The following LNX1 variants were observed in gnomAD, a reference collection of about 807,000 sequenced individuals.
LNX1 encodes ligand of numb-protein X 1.
A neutral mutation model predicts 68.4 loss-of-function variants in LNX1; 54 were observed. The ratio of observed to expected loss-of-function variants is 0.79; its 90% confidence interval spans 0.63 to 0.99. LNX1 has a LOEUF of 0.99. Ranked by LOEUF, LNX1 falls within the 50% of genes least tolerant of loss-of-function variation. LNX1 has a pLI of 0.00. For synonymous variants in LNX1, 336 were observed against 350.0 expected, an observed-to-expected ratio of 0.96 and a Z score of 0.45; for missense variants, 906 against 926.4, an observed-to-expected ratio of 0.98 and a Z score of 0.29.
upstream of LNX1, among the ~76,000 whole-genome samples, chr4:53,595,476 A>G (rs554994059): frequency 8.5e-5 from 13 of 152,230 alleles, no homozygotes; most frequent in Non-Finnish European, 1.9e-4. Flanking sequence ...ATGCATGACA[A>G]TGGTTTTCAG....
chr4:53,607,273 C>A (rs1235104920), intron 2 of LNX1, among the ~76,000 whole-genome samples: 2 of 152,144 alleles, frequency 1.3e-5, no homozygotes, highest in Admixed American at 6.5e-5. Flanking sequence ...TTTCAGGGTA[C>A]AAAATCAATG....
intron 9 of LNX1, among the ~76,000 whole-genome samples, chr4:53,472,796 G>A (rs1463993659): frequency 1.3e-5 from 2 of 151,872 alleles, no homozygotes; most frequent in Admixed American, 6.6e-5. Flanking sequence ...GGCCAAGCAG[G>A]GGGAAGGCTG....
intron 2 of LNX1, among the ~76,000 whole-genome samples, chr4:53,515,547 T>G (rs567881404): frequency 5.3e-5 from 8 of 152,058 alleles, no homozygotes; most frequent in Admixed American, 1.3e-4. Context: ...GAAGACCGAC[T>G]TAAGAAACTG....
At chr4:53,589,910 A>G (rs769969759) in intron 1 of LNX1, among the ~76,000 whole-genome samples, 4 of 152,216 alleles carry the variant, frequency 2.6e-5, no homozygotes, top group African/African-American at 4.8e-5. Context: ...ACATACAGTG[A>G]TGAAATTATT....
intron 2 of LNX1, among the ~76,000 whole-genome samples, chr4:53,527,131 A>G (rs1027540757): frequency 6.6e-6 from 1 of 151,884 alleles, no homozygotes; most frequent in Non-Finnish European, 1.5e-5. Context: ...CAACTGAAAT[A>G]TACTATTGGG....
chr4:53,523,432 G>A (rs1278672490), intron 2 of LNX1, among the ~76,000 whole-genome samples: 2 of 152,076 alleles, frequency 1.3e-5, no homozygotes, highest in Admixed American at 6.6e-5. Context: ...GACTACAGGC[G>A]TGCACCACCA....
chr4:53,557,109 G>A (rs1729962530), intron 2 of LNX1, among the ~76,000 whole-genome samples: 1 of 152,188 alleles, frequency 6.6e-6, no homozygotes, highest in South Asian at 2.1e-4. Flanking sequence ...ACTAACAAAA[G>A]GAGCTGGAAA....
intron 2 of LNX1, among the ~76,000 whole-genome samples, chr4:53,597,856 C>T (rs1732821986): frequency 1.3e-5 from 2 of 152,138 alleles, no homozygotes; most frequent in Admixed American, 1.3e-4. Context: ...TTGAATACTC[C>T]CCAAACCTGA....
At chr4:53,570,773 A>T (rs1396110338) in intron 2 of LNX1, among the ~76,000 whole-genome samples, 1 of 151,510 alleles carries the variant, frequency 6.6e-6, no homozygotes, top group East Asian at 1.9e-4. Flanking sequence ...CACGCCTGTA[A>T]TCCCAGCACT....
intron 4 of LNX1, among the ~76,000 whole-genome samples, chr4:53,501,298 T>TTTTG (rs1725463441): frequency 3.2e-4 from 3 of 9,500 alleles, no homozygotes; most frequent in Non-Finnish European, 9.4e-4. Context: ...TTTTTTTTTT[T>TTTTG]TGGGGGTGGG....
At chr4:53,468,501 T>G (rs1303146436) in intron 9 of LNX1, among the ~76,000 whole-genome samples, 1 of 152,174 alleles carries the variant, frequency 6.6e-6, no homozygotes, top group South Asian at 2.1e-4. Context: ...AATATTCACC[T>G]TAAATGTAAA....
intron 2 of LNX1, among the ~76,000 whole-genome samples, chr4:53,552,123 C>G (rs1445638590): frequency 6.6e-6 from 1 of 152,168 alleles, no homozygotes; most frequent in South Asian, 2.1e-4. Context: ...CTGGAAAGAG[C>G]GCATCATTTC....
intron 1 of LNX1, among the ~76,000 whole-genome samples, chr4:53,587,309 T>A (rs1732231003): frequency 1.3e-5 from 2 of 152,204 alleles, no homozygotes; most frequent in Admixed American, 1.3e-4. Flanking sequence ...TTCCACATTT[T>A]ATGGTTTTTT....
At chr4:53,475,801 A>C (rs61240802) in intron 9 of LNX1, among the ~76,000 whole-genome samples, 17,317 of 152,166 alleles carry the variant, frequency 0.11, 1,841 homozygotes, top group South Asian at 0.28. Context: ...TAAGTGAGAC[A>C]AGTAATTACG....
rs563982231 is a variant in LNX1 at position 53,647,048 on chromosome 4, A to G, written c.-215+5120T>C. 3.7e-4 allele frequency among the ~76,000 whole-genome samples: 57 copies of G among 152,212 alleles called. No individual in the cohort carries two copies. The Middle Eastern group carries it at 0.01, about 27-fold the overall frequency. On this transcript the variant is annotated intron_variant, in intron 1 of 2. Transcript: ENST00000507168. ...AGGATGGAAAGGTTCTCCATGCTCC[A>G]TTTTTTCTCTTTTTCCTGTCCCAGC...
intron 2 of LNX1, among the ~76,000 whole-genome samples, chr4:53,564,541 C>G (rs1730510602): frequency 1.3e-5 from 2 of 152,158 alleles, no homozygotes; most frequent in Non-Finnish European, 2.9e-5. Flanking sequence ...TAATTATTCC[C>G]CAGAGATGTC....
At chr4:53,493,470 A>G (rs1724843046) in intron 6 of LNX1, among the ~76,000 whole-genome samples, 1 of 152,050 alleles carries the variant, frequency 6.6e-6, no homozygotes, top group South Asian at 2.1e-4. Flanking sequence ...GTCCCCTTGT[A>G]CCCTCTGCCT....
chr4:53,493,500 A>G (rs1579404830), intron 6 of LNX1, among the ~76,000 whole-genome samples: 1 of 152,192 alleles, frequency 6.6e-6, no homozygotes, highest in South Asian at 2.1e-4. Context: ...CAGGTCTACA[A>G]TGACAGTAAT....
At chr4:53,480,779 A>G (rs1238172758) in intron 7 of LNX1, among the ~76,000 whole-genome samples, 1 of 152,234 alleles carries the variant, frequency 6.6e-6, no homozygotes, top group Non-Finnish European at 1.5e-5. Context: ...TTCTCTATAT[A>G]TTACTCAAAA....
Sources: gnomAD v4.1 joint callset for allele counts (sites outside exome capture counted in the v4.1 genomes callset) on GRCh38, gnomAD v4.1.1 for gene constraint, MANE v1.5 for transcripts, NCBI Gene and HGNC (gene_info 2026-07-23, HGNC 2026-07-21) for gene names.